The following SUPT3H variants were observed in gnomAD, a reference collection of about 807,000 sequenced individuals.
SUPT3H encodes the protein SPT3 homolog, SAGA and STAGA complex component, also known as transcription initiation protein SPT3 homolog.
Under a neutral mutation model 44.3 loss-of-function variants are expected in SUPT3H, and 44 were observed. The observed-to-expected ratio is 0.99, with a 90% confidence interval of 0.78 to 1.28. SUPT3H has a LOEUF of 1.28. SUPT3H is among the 50% of genes most tolerant of loss of function. The pLI is 0.00. For missense variants in SUPT3H, 380 were observed against 387.1 expected (o/e 0.98, Z 0.15); for synonymous variants, 124 against 125.6 (o/e 0.99, Z 0.09).
rs61643038 is a variant in SUPT3H at position 45,243,197 on chromosome 6, C to CAAAAAAAAA, written c.101+121995_101+122003dup. 2.2e-4 allele frequency among the ~76,000 whole-genome samples: 16 copies of CAAAAAAAAA among 72,550 alleles called. 1 individual carries two copies. The highest frequency in any genetic ancestry group is 7.0e-4 in the East Asian group (1 of 1,432). 47.6% of individuals were successfully genotyped at this position (72,550 alleles called of 152,430 possible). A position where few individuals can be genotyped will look rare whatever the true frequency, so the allele number is the denominator to read the frequency against. ...TGGGAAACAGAGCGAGACTCCTTCTCAAAAAAAAAAAAAAAAAAAAAAAGC... is the reference window on the plus strand; with the variant it reads ...TGGGAAACAGAGCGAGACTCCTTCTCAAAAAAAAAAAAAAAAAAAAAAAAAAAAAAAAGC... On this transcript the variant is annotated intron_variant, in intron 2 of 10. Coordinates refer to ENST00000371459, the MANE Select transcript of SUPT3H (RefSeq NM_003599.4).
chr6:45,327,042 C>G (rs1288516038), intron 2 of SUPT3H, among the ~76,000 whole-genome samples: 1 of 151,814 alleles, frequency 6.6e-6, no homozygotes, highest in Admixed American at 6.6e-5. Flanking sequence ...ACAGGAAGCT[C>G]TATTCATAAA....
chr6:45,328,300 T>G, intron 2 of SUPT3H: 1 of 1,368,038 alleles, frequency 7.3e-7, no homozygotes, highest in Non-Finnish European at 9.8e-7. Context: ...GTTTTAAAGC[T>G]TTTGCTTTTT....
chr6:44,891,986 C>T (rs916699149), intron 10 of SUPT3H, among the ~76,000 whole-genome samples: 2 of 151,798 alleles, frequency 1.3e-5, no homozygotes, highest in Admixed American at 1.3e-4. Context: ...ATGTTCTATT[C>T]TTTTATATAT....
chr6:45,095,198 C>T lies in SUPT3H; in HGVS notation c.186+10724G>A, dbSNP rs1036237844. 1.3e-5 allele frequency among the ~76,000 whole-genome samples: 2 copies of T among 152,096 alleles called. No homozygotes were observed. The highest frequency in any genetic ancestry group is 6.6e-5 in the Admixed American group (1 of 15,260). On this transcript the variant is annotated intron_variant, in intron 3 of 10. Coordinates refer to ENST00000371459, the MANE Select transcript of SUPT3H (RefSeq NM_003599.4). The surrounding 1 kb of genome is among the most constrained non-coding windows in gnomAD (Gnocchi z 4.1). The stretch of plus-strand genomic sequence containing the variant: ...GTTTCCATCCTATGATTCATTAGGT[C>T]CCCATGGTACCTCTGCTTCCTTTAT...
chr6:45,286,619 T>C (rs903529313), intron 2 of SUPT3H, among the ~76,000 whole-genome samples: 58 of 152,052 alleles, frequency 3.8e-4, no homozygotes, highest in African/African-American at 1.4e-3. Context: ...TGTGGAGAAA[T>C]AGGAACACTT....
At chr6:44,926,987 G>C (rs1769612269) in intron 10 of SUPT3H, among the ~76,000 whole-genome samples, 1 of 152,056 alleles carries the variant, frequency 6.6e-6, no homozygotes, top group Non-Finnish European at 1.5e-5. Flanking sequence ...CCAATCCTTT[G>C]ATCCAGGAAT....
chr6:45,194,626 A>G (rs947375509), intron 2 of SUPT3H, among the ~76,000 whole-genome samples: 5 of 152,166 alleles, frequency 3.3e-5, no homozygotes, highest in African/African-American at 1.2e-4. Flanking sequence ...AAATACACAC[A>G]CATATGTATA....
At chr6:45,307,130 C>T (rs1352977036) in intron 2 of SUPT3H, among the ~76,000 whole-genome samples, 1 of 152,234 alleles carries the variant, frequency 6.6e-6, no homozygotes, top group African/African-American at 2.4e-5. Flanking sequence ...GAAGCTCGAA[C>T]TGGGTGGAGC....
At chr6:44,991,507 CTTTTTAT>C (rs1780609572) in intron 6 of SUPT3H, among the ~76,000 whole-genome samples, 1 of 60,310 alleles carries the variant, frequency 1.7e-5, no homozygotes, top group African/African-American at 6.4e-5. Flanking sequence ...ATCCAAAATT[CTTTTTAT>C]TTATTTATTT....
intron 2 of SUPT3H, among the ~76,000 whole-genome samples, chr6:45,207,615 ATC>A (rs1763398015): frequency 6.6e-6 from 1 of 152,112 alleles, no homozygotes; most frequent in African/African-American, 2.4e-5. Flanking sequence ...CTCATTTCAT[ATC>A]TCTGTGTCAT....
chr6:45,312,241 G>A (rs1476262690), intron 2 of SUPT3H, among the ~76,000 whole-genome samples: 1 of 152,104 alleles, frequency 6.6e-6, no homozygotes, highest in East Asian at 1.9e-4. Flanking sequence ...GGGCACAGTG[G>A]CTGACACCTG....
intron 10 of SUPT3H, among the ~76,000 whole-genome samples, chr6:44,903,022 T>C (rs576225142): frequency 5.3e-5 from 8 of 151,826 alleles, no homozygotes; most frequent in African/African-American, 1.9e-4. Flanking sequence ...CTGGGACACA[T>C]TCAAAGCAGT....
chr6:44,874,860 GACAA>G (rs1357468742), intron 10 of SUPT3H, among the ~76,000 whole-genome samples: 1,512 of 144,784 alleles, frequency 0.01, 20 homozygotes, highest in African/African-American at 0.038. Flanking sequence ...ACCAACAACA[GACAA>G]ACAGAGAGGC....
At chr6:45,364,438 G>T (rs748477929) in intron 2 of SUPT3H, among the ~76,000 whole-genome samples, 1 of 152,092 alleles carries the variant, frequency 6.6e-6, no homozygotes, top group Non-Finnish European at 1.5e-5. Flanking sequence ...TCAACTACCT[G>T]TTAAGTCATG....
At chr6:45,353,877 G>A (rs1792589485) in intron 2 of SUPT3H, among the ~76,000 whole-genome samples, 1 of 149,414 alleles carries the variant, frequency 6.7e-6, no homozygotes. Context: ...ATCAACCAAA[G>A]GTCAGTGCCT....
At chr6:45,232,961 C>A (rs1047562824) in intron 2 of SUPT3H, among the ~76,000 whole-genome samples, 14 of 152,176 alleles carry the variant, frequency 9.2e-5, no homozygotes, top group Non-Finnish European at 1.9e-4. Context: ...TCCCTCTCTA[C>A]ATGTGAGAGC....
intron 2 of SUPT3H, among the ~76,000 whole-genome samples, chr6:45,121,767 C>A (rs1287122758): frequency 6.6e-6 from 1 of 152,020 alleles, no homozygotes; most frequent in Non-Finnish European, 1.5e-5. Flanking sequence ...TCTCCGCCTC[C>A]CAGCTTCAAA....
intron 2 of SUPT3H, among the ~76,000 whole-genome samples, chr6:45,286,026 G>A (rs1343883609): frequency 7.2e-6 from 1 of 139,814 alleles, no homozygotes; most frequent in Non-Finnish European, 1.5e-5. Context: ...ATGGTGCTGG[G>A]AAAACTGGCT....
chr6:44,816,714 T>C (rs1766935433), intron 11 of SUPT3H, among the ~76,000 whole-genome samples: 1 of 152,168 alleles, frequency 6.6e-6, no homozygotes, highest in African/African-American at 2.4e-5. Context: ...ATACTTTTCA[T>C]GAGTACAGAT....
Sources: gnomAD v4.1 joint callset for allele counts (sites outside exome capture counted in the v4.1 genomes callset) on GRCh38, gnomAD v4.1.1 for gene constraint, Gnocchi (gnomAD v3.1) non-coding constraint, MANE v1.5 for transcripts, NCBI Gene and HGNC (gene_info 2026-07-23, HGNC 2026-07-21) for gene names.